Variants in LRP1B observed in about 807,000 individuals in gnomAD.
The protein encoded by LRP1B is LDL receptor related protein 1B, also known as low-density lipoprotein receptor-related protein 1B.
LRP1B carries 217 observed loss-of-function variants against 556.6 expected under a neutral mutation model. The ratio of observed to expected loss-of-function variants is 0.39; its 90% CI spans 0.35 to 0.44. The LOEUF (loss-of-function observed/expected upper bound fraction) is 0.44, where lower values mean the gene tolerates loss of function less well. Among genes scored for constraint, LRP1B ranks in the 20% least tolerant of loss-of-function variants. LRP1B has a pLI of 1.00. For synonymous variants in LRP1B, 2,047 were observed against 1,865.8 expected, an observed-to-expected ratio of 1.10 and a Z score of -2.50; for missense variants, 5,053 against 5,620.8, an observed-to-expected ratio of 0.90 and a Z score of 3.23.
intron 3 of LRP1B, among the ~76,000 whole-genome samples, chr2:141,431,649 A>G (rs1573938384): frequency 6.6e-6 from 1 of 152,174 alleles, no homozygotes; most frequent in East Asian, 1.9e-4. Context: ...AGTTTTCTTT[A>G]GTTTCTTAGA....
At chr2:141,106,433 A>G (rs1427980079) in intron 7 of LRP1B, among the ~76,000 whole-genome samples, 2 of 152,212 alleles carry the variant, frequency 1.3e-5, no homozygotes, top group Non-Finnish European at 2.9e-5. Context: ...ATTTAAAAAT[A>G]AATAAATAAA....
intron 2 of LRP1B, among the ~76,000 whole-genome samples, chr2:141,783,265 T>A (rs1353821406): frequency 2.0e-5 from 3 of 152,086 alleles, no homozygotes; most frequent in Non-Finnish European, 4.4e-5. Flanking sequence ...TAGGCAACTC[T>A]GTGACTTGAA....
chr2:141,889,117 C>T (rs1464958570), intron 1 of LRP1B, among the ~76,000 whole-genome samples: 2 of 151,974 alleles, frequency 1.3e-5, no homozygotes, highest in East Asian at 1.9e-4. Flanking sequence ...AATTTATGCC[C>T]GTGTTCACAG....
chr2:141,385,157 A>G (rs1689783969), intron 3 of LRP1B, among the ~76,000 whole-genome samples: 2 of 152,210 alleles, frequency 1.3e-5, no homozygotes, highest in African/African-American at 4.8e-5. Flanking sequence ...TATAAATGTT[A>G]TAGATGTTAA....
At chr2:140,525,210 C>T (rs1047590514) in intron 49 of LRP1B, among the ~76,000 whole-genome samples, 6 of 151,792 alleles carry the variant, frequency 4.0e-5, no homozygotes, top group African/African-American at 1.4e-4. Context: ...AGAATCTCTA[C>T]TTCCAGTTAT....
chr2:141,018,488 A>G (rs1697972873), intron 12 of LRP1B, among the ~76,000 whole-genome samples: 2 of 152,128 alleles, frequency 1.3e-5, no homozygotes, highest in Non-Finnish European at 2.9e-5. Context: ...CTGGATACCT[A>G]CAAACTTGGG....
intron 6 of LRP1B, among the ~76,000 whole-genome samples, chr2:141,211,134 C>A (rs1464412889): frequency 2.0e-5 from 3 of 151,786 alleles, no homozygotes; most frequent in Admixed American, 2.0e-4. Flanking sequence ...ATTACAGGCA[C>A]CCACTACCAT....
At chr2:140,726,903 A>C (rs1687613966) in intron 35 of LRP1B, among the ~76,000 whole-genome samples, 1 of 152,110 alleles carries the variant, frequency 6.6e-6, no homozygotes, top group South Asian at 2.1e-4. Context: ...ACATAGAATA[A>C]TTTTTGGAAC....
At chr2:142,108,984 G>A (rs1395288408) in intron 1 of LRP1B, among the ~76,000 whole-genome samples, 2 of 152,118 alleles carry the variant, frequency 1.3e-5, no homozygotes, top group Non-Finnish European at 2.9e-5. Context: ...CCCAACTGAC[G>A]TCAGGTAAAG....
At chr2:141,941,072 AT>A (rs1444329417) in intron 1 of LRP1B, among the ~76,000 whole-genome samples, 3 of 152,194 alleles carry the variant, frequency 2.0e-5, no homozygotes, top group Admixed American at 2.0e-4. Flanking sequence ...GAACAATATT[AT>A]GTCTACAGTT....
At chr2:141,334,049 A>G (rs1559012237) in intron 3 of LRP1B, among the ~76,000 whole-genome samples, 1 of 152,232 alleles carries the variant, frequency 6.6e-6, no homozygotes, top group Non-Finnish European at 1.5e-5. Flanking sequence ...GTTTGCTGCT[A>G]AAATAAAAAT....
intron 3 of LRP1B, among the ~76,000 whole-genome samples, chr2:141,472,265 G>T (rs1400125920): frequency 6.6e-6 from 1 of 152,174 alleles, no homozygotes; most frequent in African/African-American, 2.4e-5. Flanking sequence ...TTTAAAATTG[G>T]CCGGACACAG....
chr2:140,441,689 G>A (rs1052407753), intron 66 of LRP1B, among the ~76,000 whole-genome samples: 6 of 152,146 alleles, frequency 3.9e-5, no homozygotes, highest in African/African-American at 1.2e-4. Flanking sequence ...ACACTTCTGT[G>A]AAGTCTGGGA....
intron 2 of LRP1B, among the ~76,000 whole-genome samples, chr2:141,579,352 T>C (rs936576826): frequency 1.3e-5 from 2 of 152,210 alleles, no homozygotes; most frequent in African/African-American, 4.8e-5. Context: ...AAAGGGACTT[T>C]AGCTCATTCA....
intron 2 of LRP1B, among the ~76,000 whole-genome samples, chr2:141,787,311 A>G (rs1436873792): frequency 1.3e-5 from 2 of 152,040 alleles, no homozygotes; most frequent in African/African-American, 4.8e-5. Context: ...AGCTGTATTC[A>G]TAGTCGCACC....
At chr2:140,981,625 G>A (rs1242159550) in intron 18 of LRP1B, among the ~76,000 whole-genome samples, 3 of 152,048 alleles carry the variant, frequency 2.0e-5, no homozygotes, top group Non-Finnish European at 4.4e-5. Context: ...TGGGAATTTT[G>A]CCATCAACAA....
At chr2:141,988,056 A>G (rs1702248416) in intron 1 of LRP1B, among the ~76,000 whole-genome samples, 1 of 151,900 alleles carries the variant, frequency 6.6e-6, no homozygotes, top group Admixed American at 6.6e-5. Context: ...TATGTCTAAA[A>G]AATGCTTAAG....
At chr2:140,332,796 A>G (rs1680879649) in intron 79 of LRP1B, among the ~76,000 whole-genome samples, 1 of 152,032 alleles carries the variant, frequency 6.6e-6, no homozygotes, top group Admixed American at 6.6e-5. Context: ...TGACTTTTAC[A>G]AGAATTCTCA....
chr2:141,217,022 C>T (rs1210740717), intron 6 of LRP1B, among the ~76,000 whole-genome samples: 1 of 152,102 alleles, frequency 6.6e-6, no homozygotes, highest in Non-Finnish European at 1.5e-5. Context: ...GTTGGGAAGG[C>T]ATAATCGTAT....
Sources: allele counts gnomAD v4.1 joint callset (sites outside exome capture counted in the v4.1 genomes callset), GRCh38; gene constraint gnomAD v4.1.1; transcripts MANE v1.5; gene names NCBI Gene and HGNC (gene_info 2026-07-23, HGNC 2026-07-21).